Variants in TYW1 observed in about 807,000 individuals in gnomAD.
The protein encoded by TYW1 is S-adenosyl-L-methionine-dependent tRNA 4-demethylwyosine synthase TYW1.
TYW1 carries 46 observed loss-of-function variants against 96.2 expected under a neutral mutation model. That is an observed-to-expected ratio of 0.48 (90% CI 0.38 to 0.61). TYW1 has a LOEUF of 0.61. TYW1 is among the 20% of genes least tolerant of loss of function. TYW1 has a pLI of 0.00. For synonymous variants in TYW1, 274 were observed against 323.0 expected, an observed-to-expected ratio of 0.85 and a Z score of 1.63; for missense variants, 684 against 909.6, an observed-to-expected ratio of 0.75 and a Z score of 3.19.
At chr7:67,159,251 C>T (rs978037381) in intron 13 of TYW1, among the ~76,000 whole-genome samples, 1 of 152,102 alleles carries the variant, frequency 6.6e-6, no homozygotes, top group African/African-American at 2.4e-5. Flanking sequence ...AATAGCACTG[C>T]AAAAATTTAT....
At chr7:67,040,873 T>G (rs2129255822) in intron 7 of TYW1, among the ~76,000 whole-genome samples, 1 of 151,950 alleles carries the variant, frequency 6.6e-6, no homozygotes. Flanking sequence ...ATTTAAAAAC[T>G]TTGTTTATAG....
intron 7 of TYW1, among the ~76,000 whole-genome samples, chr7:67,036,093 A>G (rs550370947): frequency 6.9e-6 from 1 of 144,966 alleles, no homozygotes; most frequent in East Asian, 2.0e-4. Context: ...GTCGCGCTGC[A>G]TCGACAACTC....
chr7:67,123,806 C>G (rs1449516700), intron 13 of TYW1, among the ~76,000 whole-genome samples: 6 of 152,118 alleles, frequency 3.9e-5, no homozygotes, highest in Non-Finnish European at 8.8e-5. Context: ...AGTGAGTTTC[C>G]AGAAAGATTA....
chr7:67,044,451 A>G (rs1795126138), intron 7 of TYW1, among the ~76,000 whole-genome samples: 2 of 152,096 alleles, frequency 1.3e-5, no homozygotes, highest in African/African-American at 2.4e-5. Flanking sequence ...TAAAAGAAGT[A>G]TGGTCTAAGT....
At chr7:67,227,675 A>G (rs553607259) in intron 15 of TYW1, among the ~76,000 whole-genome samples, 2 of 151,948 alleles carry the variant, frequency 1.3e-5, no homozygotes, top group Non-Finnish European at 1.5e-5. Flanking sequence ...GTAGCAGTCA[A>G]CTGTGTCTAG....
At chr7:67,162,202 T>C (rs1563049195) in intron 13 of TYW1, among the ~76,000 whole-genome samples, 2 of 150,980 alleles carry the variant, frequency 1.3e-5, no homozygotes, top group African/African-American at 2.4e-5. Flanking sequence ...TAGTCCCAGC[T>C]ACTCAGGAGG....
chr7:67,155,170 T>A (rs1460655560), intron 13 of TYW1, among the ~76,000 whole-genome samples: 1 of 152,200 alleles, frequency 6.6e-6, no homozygotes, highest in Non-Finnish European at 1.5e-5. Flanking sequence ...GAATTACGAT[T>A]TTCCTTTGGA....
intron 15 of TYW1, among the ~76,000 whole-genome samples, chr7:67,237,267 A>G (rs1174485639): frequency 1.9e-5 from 2 of 105,612 alleles, no homozygotes; most frequent in Non-Finnish European, 4.1e-5. Context: ...TTGGGAGGCC[A>G]AGGCCGGTGG....
chr7:67,086,717 C>T (rs1219836880), intron 11 of TYW1, among the ~76,000 whole-genome samples: 1 of 152,110 alleles, frequency 6.6e-6, no homozygotes, highest in African/African-American at 2.4e-5. Context: ...CACATTATGA[C>T]GGGCAATCTA....
At position 67,098,643 on chromosome 7, in the gene TYW1, G is replaced by C; in HGVS notation, c.1487G>C (p.Arg496Thr). The change falls in exon 12 of 16, where the codon AGG (arginine) becomes ACG (threonine). Residue 496 changes from arginine (R) to threonine (T), a missense_variant. By Grantham distance (71) the Arg-to-Thr change is moderately conservative (BLOSUM62 -1). Coordinates refer to ENST00000359626, the MANE Select transcript of TYW1 (RefSeq NM_018264.4). ...GEPIMYPEINRFLKLLHQCKI... is the reference protein window; with the variant it reads ...GEPIMYPEINTFLKLLHQCKI... ...CCAATAATGTACCCAGAGATCAACA[G>C]GTTTTTGAAGCTACTCCACCAGTGT... is the stretch of plus-strand genomic sequence containing the variant. 6.2e-7 allele frequency: 1 copy of C among 1,613,992 alleles called. No homozygotes were observed. Among genetic ancestry groups the C allele is most frequent in the Non-Finnish European group, 8.5e-7 (1 of 1,179,966 alleles).
chr7:67,023,178 C>T (rs1324188864), intron 6 of TYW1, among the ~76,000 whole-genome samples: 2 of 152,040 alleles, frequency 1.3e-5, no homozygotes, highest in African/African-American at 4.8e-5. Context: ...CTCACTGCAA[C>T]CTCCACCTCC....
intron 15 of TYW1, among the ~76,000 whole-genome samples, chr7:67,227,991 G>C (rs1363999984): frequency 6.6e-6 from 1 of 152,120 alleles, no homozygotes; most frequent in Non-Finnish European, 1.5e-5. Context: ...GTGGTCTTGC[G>C]GGCCGCTGAA....
At chr7:67,106,232 G>T (rs1797239278) in intron 12 of TYW1, among the ~76,000 whole-genome samples, 1 of 152,184 alleles carries the variant, frequency 6.6e-6, no homozygotes, top group African/African-American at 2.4e-5. Context: ...TATGCAATCC[G>T]CATTTTGATA....
chr7:67,121,702 G>C (rs184081804), intron 13 of TYW1, among the ~76,000 whole-genome samples: 9 of 150,876 alleles, frequency 6.0e-5, no homozygotes, highest in African/African-American at 1.7e-4. Context: ...CATTTGAAGA[G>C]AATTTCTTAA....
At chr7:67,218,613 A>C (rs1801278977) in intron 15 of TYW1, among the ~76,000 whole-genome samples, 1 of 152,142 alleles carries the variant, frequency 6.6e-6, no homozygotes, top group South Asian at 2.1e-4. Context: ...TCGGCCTTCC[A>C]AAGTGTTGGG....
chr7:67,200,327 A>T (rs1563068133), intron 15 of TYW1, among the ~76,000 whole-genome samples: 2 of 152,152 alleles, frequency 1.3e-5, no homozygotes, highest in Non-Finnish European at 2.9e-5. Flanking sequence ...TGATAAAGAC[A>T]TACCCGAGAC....
chr7:67,010,819 G>A (rs1230577436), intron 4 of TYW1, among the ~76,000 whole-genome samples: 1 of 151,952 alleles, frequency 6.6e-6, no homozygotes, highest in Middle Eastern at 3.4e-3. Context: ...TTGCCCAGGT[G>A]GGTCTCGAAC....
chr7:67,063,661 T>G, intron 9 of TYW1, among the ~76,000 whole-genome samples: 1 of 151,998 alleles, frequency 6.6e-6, no homozygotes, highest in Non-Finnish European at 1.5e-5. Context: ...TGGAGTGTAG[T>G]GGCGCGATCT....
At chr7:67,201,930 C>A (rs10081276) in intron 15 of TYW1, among the ~76,000 whole-genome samples, 38,196 of 152,034 alleles carry the variant, frequency 0.25, 4,985 homozygotes, top group African/African-American at 0.3. Flanking sequence ...TGGGAACTAT[C>A]TCAAGCTAGC....
Sources: gnomAD v4.1 joint callset for allele counts (sites outside exome capture counted in the v4.1 genomes callset) on GRCh38, gnomAD v4.1.1 for gene constraint, MANE v1.5 for transcripts, NCBI Gene and HGNC (gene_info 2026-07-23, HGNC 2026-07-21) for gene names.